CSMD1: variants seen among roughly 807,000 people sequenced by gnomAD.
CSMD1 encodes the protein CUB and sushi domain-containing protein 1.
CSMD1 carries 213 observed loss-of-function variants against 417.5 expected under a neutral mutation model. That is an observed-to-expected ratio of 0.51 (90% CI 0.46 to 0.57). The LOEUF (loss-of-function observed/expected upper bound fraction) is 0.57, where lower values mean the gene tolerates loss of function less well. Ranked by LOEUF, CSMD1 falls within the 20% of genes least tolerant of loss-of-function variation. The pLI is 0.00. For missense variants in CSMD1, 6,923 were observed against 4,529.7 expected (o/e 1.53, Z -15.17); for synonymous variants, 2,862 against 1,736.8 (o/e 1.65, Z -16.11).
Position 4,965,211 on chromosome 8 carries a change from A to G in CSMD1, c.85+29121T>C, listed in dbSNP as rs142295900. On this transcript the variant is annotated intron_variant, in intron 1 of 69. Coordinates refer to ENST00000635120, the MANE Select transcript of CSMD1 (RefSeq NM_033225.6). Reference sequence around the variant, plus strand: ...AAAACACACATGAAGGGCCTCTGATATAAGGATTTTAACACATTTCAGATT... The same window carrying G: ...AAAACACACATGAAGGGCCTCTGATGTAAGGATTTTAACACATTTCAGATT... Among the ~76,000 whole-genome samples the G allele has an allele frequency of 6.6e-5, 10 of 152,356 alleles. No individual in the cohort carries two copies. The East Asian group carries it at 1.9e-3, about 29-fold the overall frequency.
intron 3 of CSMD1, among the ~76,000 whole-genome samples, chr8:4,332,437 T>C (rs796173054): frequency 6.6e-6 from 1 of 152,062 alleles, no homozygotes; most frequent in East Asian, 1.9e-4. Context: ...GAGTAAGCAC[T>C]GAGTAGGTAA....
chr8:4,544,335 T>C (rs1021959101), intron 2 of CSMD1, among the ~76,000 whole-genome samples: 14 of 152,116 alleles, frequency 9.2e-5, no homozygotes, highest in Non-Finnish European at 1.9e-4. Context: ...TTAATTTTGG[T>C]AGGTAGATGT....
chr8:3,318,364 G>C (rs1054158244), intron 23 of CSMD1, among the ~76,000 whole-genome samples: 28 of 152,146 alleles, frequency 1.8e-4, no homozygotes, highest in Non-Finnish European at 7.4e-5. Context: ...CTACCGCATT[G>C]ATTCATTAAT....
At chr8:3,712,404 GACAGACAGAC>G (rs1801573661) in intron 6 of CSMD1, among the ~76,000 whole-genome samples, 4 of 54,160 alleles carry the variant, frequency 7.4e-5, no homozygotes, top group South Asian at 8.7e-4. Context: ...GAGAGAGACA[GACAGACAGAC>G]AGACAGACAG....
chr8:3,673,466 G>C (rs142384296), intron 7 of CSMD1, among the ~76,000 whole-genome samples: 8 of 152,278 alleles, frequency 5.3e-5, no homozygotes, highest in African/African-American at 1.9e-4. Flanking sequence ...CTTATGACAA[G>C]CAAGAATGTG....
At chr8:4,338,213 A>G (rs1156934377) in intron 3 of CSMD1, among the ~76,000 whole-genome samples, 1 of 152,188 alleles carries the variant, frequency 6.6e-6, no homozygotes, top group Non-Finnish European at 1.5e-5. Flanking sequence ...TGCATGTCAT[A>G]GTTCTTGCAT....
intron 33 of CSMD1, among the ~76,000 whole-genome samples, chr8:3,196,918 G>A (rs1796736846): frequency 6.6e-6 from 1 of 152,184 alleles, no homozygotes; most frequent in Non-Finnish European, 1.5e-5. Flanking sequence ...ATACATCCAT[G>A]CTGAAGGGTT....
intron 3 of CSMD1, among the ~76,000 whole-genome samples, chr8:4,331,137 C>G (rs1799847825): frequency 6.6e-6 from 1 of 152,152 alleles, no homozygotes; most frequent in African/African-American, 2.4e-5. Flanking sequence ...AACTAAACTA[C>G]CGAACTATCC....
At chr8:4,321,762 G>C (rs563633837) in intron 3 of CSMD1, among the ~76,000 whole-genome samples, 5 of 152,148 alleles carry the variant, frequency 3.3e-5, no homozygotes, top group African/African-American at 1.2e-4. Flanking sequence ...TTTCAAAAAG[G>C]ATGCTTTGAA....
chr8:3,702,902 G>A (rs1194162451), intron 7 of CSMD1, among the ~76,000 whole-genome samples: 2 of 152,170 alleles, frequency 1.3e-5, no homozygotes, highest in Admixed American at 6.5e-5. Flanking sequence ...TCAGAATAAA[G>A]AGCAGTTCAC....
At chr8:3,523,700 CAT>C (rs1797614188) in intron 10 of CSMD1, among the ~76,000 whole-genome samples, 1 of 151,344 alleles carries the variant, frequency 6.6e-6, no homozygotes, top group South Asian at 2.1e-4. Flanking sequence ...CATATGCACA[CAT>C]GTGCATGCAC....
At chr8:3,017,806 TAAAAAA>T (rs777717027) in intron 52 of CSMD1, among the ~76,000 whole-genome samples, 46 of 76,476 alleles carry the variant, frequency 6.0e-4, no homozygotes, top group South Asian at 1.8e-3. Context: ...TTGAGTGATT[TAAAAAA>T]AAAAAAAAAA....
intron 42 of CSMD1, among the ~76,000 whole-genome samples, chr8:3,115,238 G>A (rs1373909707): frequency 3.6e-5 from 4 of 111,082 alleles, no homozygotes; most frequent in Non-Finnish European, 5.2e-5. Context: ...TTTTGCTCTT[G>A]TCACCCAGGC....
intron 1 of CSMD1, among the ~76,000 whole-genome samples, chr8:4,688,530 T>C (rs556045817): frequency 1.3e-5 from 2 of 152,050 alleles, no homozygotes; most frequent in Non-Finnish European, 2.9e-5. Context: ...CCAAGGAAAA[T>C]TCTCCAAAAT....
intron 2 of CSMD1, among the ~76,000 whole-genome samples, chr8:4,577,109 G>A (rs958505501): frequency 3.3e-5 from 5 of 152,020 alleles, no homozygotes; most frequent in Admixed American, 6.6e-5. Context: ...CATATATAAC[G>A]TGTATAATTT....
chr8:3,600,860 T>G (rs534067794), intron 8 of CSMD1, among the ~76,000 whole-genome samples: 5 of 152,350 alleles, frequency 3.3e-5, no homozygotes, highest in Admixed American at 1.3e-4. Context: ...GCAAACACAG[T>G]ATTTTATTAA....
chr8:4,713,237 A>G (rs373519847), intron 1 of CSMD1, among the ~76,000 whole-genome samples: 1 of 152,246 alleles, frequency 6.6e-6, no homozygotes, highest in Non-Finnish European at 1.5e-5. Context: ...TTATTAGCCA[A>G]TTACTCAAGT....
intron 2 of CSMD1, among the ~76,000 whole-genome samples, chr8:4,584,905 C>T (rs1232362919): frequency 6.6e-6 from 1 of 152,058 alleles, no homozygotes; most frequent in East Asian, 1.9e-4. Flanking sequence ...GATTAAGCAG[C>T]TCAAATTTAG....
chr8:4,037,217 T>C (rs1371199509), intron 3 of CSMD1, among the ~76,000 whole-genome samples: 3 of 152,364 alleles, frequency 2.0e-5, no homozygotes, highest in East Asian at 1.9e-4. Context: ...TTTGTAGATG[T>C]TTTCTATGAC....
Sources: gnomAD v4.1 joint callset for allele counts (sites outside exome capture counted in the v4.1 genomes callset) on GRCh38, gnomAD v4.1.1 for gene constraint, MANE v1.5 for transcripts, NCBI Gene and HGNC (gene_info 2026-07-23, HGNC 2026-07-21) for gene names.